Variants in LRRC7 observed in about 807,000 individuals in gnomAD.
LRRC7 encodes the protein leucine rich repeat containing 7, also known as leucine-rich repeat-containing protein 7.
LRRC7 carries 23 observed loss-of-function variants against 175.7 expected under a neutral mutation model. The observed-to-expected ratio is 0.13, with a 90% confidence interval of 0.09 to 0.19. LRRC7 has a LOEUF of 0.19. Among genes scored for constraint, LRRC7 ranks in the 10% least tolerant of loss-of-function variants. LRRC7 has a pLI of 1.00. For synonymous variants in LRRC7, 685 were observed against 680.9 expected, an observed-to-expected ratio of 1.01 and a Z score of -0.09; for missense variants, 1,354 against 1,904.7, an observed-to-expected ratio of 0.71 and a Z score of 5.38.
intron 7 of LRRC7, among the ~76,000 whole-genome samples, chr1:69,890,875 T>G (rs1291268259): frequency 6.6e-6 from 1 of 152,210 alleles, no homozygotes; most frequent in Non-Finnish European, 1.5e-5. Context: ...ACTTTTCTTC[T>G]TCAGCTTCCT....
chr1:70,031,617 A>G (rs1472856916), intron 18 of LRRC7, among the ~76,000 whole-genome samples: 1 of 152,234 alleles, frequency 6.6e-6, no homozygotes, highest in Non-Finnish European at 1.5e-5. Flanking sequence ...TTCTTAAGAA[A>G]TCAAAGCCAA....
Position 69,651,046 on chromosome 1 carries a change from A to G in LRRC7, c.3-27335A>G, listed in dbSNP as rs193267946. Among the ~76,000 whole-genome samples, 267 of 152,324 alleles carry G rather than the reference A, an allele frequency of 1.8e-3. 1 individual carries two copies. Among genetic ancestry groups the G allele is most frequent in the African/African-American group, 6.1e-3 (255 of 41,574 alleles). ...CCCTGAGACAGTTTGGCATGTCTAG[A>G]TTAATGAAAATAAGTGACGAATGTC... is the stretch of plus-strand genomic sequence containing the variant. On this transcript the variant is annotated intron_variant, in intron 1 of 26. Coordinates refer to ENST00000651989, the MANE Select transcript of LRRC7 (RefSeq NM_001370785.2).
At position 70,107,702 on chromosome 1, in the gene LRRC7, G is replaced by A. The variant is rs375258132; in HGVS notation, c.4546-50G>A. ...TGTGAATGAAGATTTGTTTAAGTAGGCCTGGTTCTTGGTAATAGAATCCTA... is the reference window on the plus strand; with the variant it reads ...TGTGAATGAAGATTTGTTTAAGTAGACCTGGTTCTTGGTAATAGAATCCTA... On this transcript the variant is annotated intron_variant, in intron 25 of 26. Coordinates refer to ENST00000651989, the MANE Select transcript of LRRC7 (RefSeq NM_001370785.2). The A allele has an allele frequency of 2.3e-5, 31 of 1,371,240 alleles. No individual in the cohort carries two copies. The African/African-American group carries it at 4.1e-4, about 18-fold the overall frequency. The allele number at this position is 1,371,240 out of a possible 1,614,324, so 84.9% of individuals were successfully genotyped here.
chr1:69,745,109 T>C (rs896296233), intron 2 of LRRC7, among the ~76,000 whole-genome samples: 3 of 152,028 alleles, frequency 2.0e-5, no homozygotes, highest in Middle Eastern at 6.8e-3. Flanking sequence ...TGCAAAGCTA[T>C]GGCATTGGCA....
At chr1:69,990,421 A>G (rs934494785) in intron 10 of LRRC7, among the ~76,000 whole-genome samples, 3 of 152,088 alleles carry the variant, frequency 2.0e-5, no homozygotes, top group Non-Finnish European at 4.4e-5. Context: ...GATGTTATTT[A>G]TGAACTTAAT....
intron 2 of LRRC7, among the ~76,000 whole-genome samples, chr1:69,755,548 G>A (rs903774386): frequency 6.6e-6 from 1 of 150,844 alleles, no homozygotes; most frequent in African/African-American, 2.4e-5. Context: ...ATATATATGT[G>A]TGTACATATA....
intron 7 of LRRC7, among the ~76,000 whole-genome samples, chr1:69,917,154 C>A (rs571491672): frequency 1.3e-5 from 2 of 152,238 alleles, no homozygotes; most frequent in Non-Finnish European, 2.9e-5. Flanking sequence ...AGTTAATATG[C>A]AAATGAGTCT....
intron 11 of LRRC7, among the ~76,000 whole-genome samples, chr1:69,996,099 A>C (rs1206921723): frequency 7.3e-5 from 11 of 151,272 alleles, no homozygotes; most frequent in South Asian, 2.1e-4. Flanking sequence ...TGCCATTCTA[A>C]CTGGTGTGAG....
intron 7 of LRRC7, among the ~76,000 whole-genome samples, chr1:69,907,135 G>T (rs1307799138): frequency 6.6e-6 from 1 of 152,108 alleles, no homozygotes; most frequent in East Asian, 1.9e-4. Flanking sequence ...TGCTGAAGTT[G>T]CTTCTCAGCT....
intron 7 of LRRC7, among the ~76,000 whole-genome samples, chr1:69,902,726 C>A (rs941332956): frequency 1.3e-5 from 2 of 152,130 alleles, no homozygotes; most frequent in Non-Finnish European, 2.9e-5. Flanking sequence ...GAGCAATTAG[C>A]CAAGTGTTAT....
At chr1:69,719,610 C>T (rs1191919270) in intron 2 of LRRC7, among the ~76,000 whole-genome samples, 1 of 151,494 alleles carries the variant, frequency 6.6e-6, no homozygotes, top group Non-Finnish European at 1.5e-5. Flanking sequence ...ACCACTAAAT[C>T]TTTTTAAACT....
chr1:69,614,924 C>T (rs1354647328), intron 1 of LRRC7, among the ~76,000 whole-genome samples: 2 of 152,062 alleles, frequency 1.3e-5, no homozygotes, highest in Non-Finnish European at 2.9e-5. Flanking sequence ...CAACCTATCC[C>T]ACCTAACAGG....
Position 70,038,242 on chromosome 1 carries a change from G to C in LRRC7, c.2418G>C (p.Trp806Cys). The C allele has an allele frequency of 6.2e-7, 1 of 1,614,154 alleles. No homozygotes were observed. Among genetic ancestry groups the C allele is most frequent in the Non-Finnish European group, 8.5e-7 (1 of 1,180,020 alleles). The change falls in exon 21 of 27, where the codon TGG becomes TGC. Residue 806 changes from tryptophan to cysteine, a missense_variant. Physicochemically the swap from Trp to Cys is radical, Grantham distance 215. Around this residue, in one of 4 missense-constraint regions of LRRC7, gnomAD observed 1,032 missense variants for 1,227.2 expected, o/e 0.84. Coordinates refer to ENST00000651989, the MANE Select transcript of LRRC7 (RefSeq NM_001370785.2). ...TGAGTGATACTTTCACTGACAACTG[G>C]ACTGATGGCTCGCATTATGACAACA... is the stretch of plus-strand genomic sequence containing the variant. ...LPMSDTFTDN[W>C]TDGSHYDNTG... is the part of the protein sequence containing the mutation.
chr1:69,886,869 A>T (rs1645645565), intron 7 of LRRC7, among the ~76,000 whole-genome samples: 2 of 149,804 alleles, frequency 1.3e-5, no homozygotes, highest in South Asian at 2.2e-4. Flanking sequence ...TTTCTCCTTC[A>T]CTTATGAAGC....
At chr1:69,679,979 C>A (rs1660267056) in intron 2 of LRRC7, among the ~76,000 whole-genome samples, 1 of 152,064 alleles carries the variant, frequency 6.6e-6, no homozygotes, top group Non-Finnish European at 1.5e-5. Flanking sequence ...TTTTGCACTA[C>A]AAAGGAAGAA....
chr1:69,736,067 T>C (rs1668087326), intron 2 of LRRC7, among the ~76,000 whole-genome samples: 1 of 152,172 alleles, frequency 6.6e-6, no homozygotes, highest in Admixed American at 6.6e-5. Flanking sequence ...ATTAGCATTG[T>C]TCCATTTTTT....
chr1:69,652,006 G>C (rs1655906364), intron 1 of LRRC7, among the ~76,000 whole-genome samples: 1 of 152,094 alleles, frequency 6.6e-6, no homozygotes, highest in Non-Finnish European at 1.5e-5. Flanking sequence ...GGAAAGGAGA[G>C]GAGTGGAGAG....
Position 69,886,075 on chromosome 1 carries a change from G to GA in LRRC7, c.648-45425dup, listed in dbSNP as rs1390686335. 3.3e-5 allele frequency among the ~76,000 whole-genome samples: 5 copies of GA among 150,534 alleles called. No homozygotes were observed. The East Asian group carries it at 7.8e-4, about 24-fold the overall frequency. ...TTTGGAATAGGTGTGGTGTGGTGCTGAAAAAAATGTATATTCTGTTGATTT... is the reference window on the plus strand; with the variant it reads ...TTTGGAATAGGTGTGGTGTGGTGCTGAAAAAAAATGTATATTCTGTTGATTT... On this transcript the variant is annotated intron_variant, in intron 7 of 26. Transcript: ENST00000651989.
At chr1:69,954,780 G>A (rs1650320770) in intron 8 of LRRC7, among the ~76,000 whole-genome samples, 1 of 152,050 alleles carries the variant, frequency 6.6e-6, no homozygotes, top group Non-Finnish European at 1.5e-5. Context: ...TAAATTTGTA[G>A]TTAAAATATA....
Sources: gnomAD v4.1 joint callset for allele counts (sites outside exome capture counted in the v4.1 genomes callset) on GRCh38, gnomAD v4.1.1 for gene constraint, gnomAD v4.1.1 regional missense constraint, MANE v1.5 for transcripts, NCBI Gene and HGNC (gene_info 2026-07-23, HGNC 2026-07-21) for gene names.